The following WDR74 variants were observed in gnomAD, a reference collection of about 807,000 sequenced individuals.
WDR74 encodes WD repeat-containing protein 74.
A neutral mutation model predicts 45.6 loss-of-function variants in WDR74; 31 were observed. The ratio of observed to expected loss-of-function variants is 0.68; its 90% CI spans 0.51 to 0.92. WDR74 has a LOEUF of 0.92. WDR74 is among the 40% of genes least tolerant of loss of function. The pLI, the probability that WDR74 is intolerant of heterozygous loss-of-function variation, is 0.00. For missense variants in WDR74, 455 were observed against 497.2 expected (o/e 0.92, Z 0.81); for synonymous variants, 191 against 192.4 (o/e 0.99, Z 0.06).
chr11:62,835,449 G>A lies in WDR74; in HGVS notation c.600C>T (p.Thr200=). ...QFLPGSQKLV[T]CTGYHQVRVY... is the part of the protein sequence containing the mutation. ...ACCTTACCTGGTGGTACCCTGTGCA[G>A]GTGACAAGCTTCTGTGATCCTGGGA... Residue 200 remains threonine (T), a synonymous_variant, in exon 6 of 11, where the codon ACC becomes ACT. Transcript: ENST00000278856. 2 of 1,613,978 alleles carry A rather than the reference G, an allele frequency of 1.2e-6. No homozygotes were observed. The highest frequency in any genetic ancestry group is 1.7e-6 in the Non-Finnish European group (2 of 1,179,880).
chr11:62,841,569 CCTAACTGATCGAAAT>C (rs1420589870), upstream of WDR74: 1 of 152,146 alleles, frequency 6.6e-6, no homozygotes, highest in Non-Finnish European at 1.5e-5. Context: ...TAGCTTGTAC[CCTAACTGATCGAAAT>C]CTTCCATTAA....
chr11:62,841,620 G>GA (rs1391706766), upstream of WDR74: 1 of 152,210 alleles, frequency 6.6e-6, no homozygotes, highest in Non-Finnish European at 1.5e-5. Flanking sequence ...TCCCCGAAGG[G>GA]AGAGTGCACC....
At chr11:62,834,135 G>A in intron 8 of WDR74, 141 bp downstream of exon 8, 1 of 1,468,424 alleles carries the variant, frequency 6.8e-7, no homozygotes, top group South Asian at 1.2e-5. Flanking sequence ...AGGTCATACA[G>A]CTTTTAGGGA....
At chr11:62,841,544 A>C (rs141585008), upstream of WDR74, 3 of 151,336 alleles carry the variant, frequency 2.0e-5, no homozygotes, top group East Asian at 1.9e-4. Context: ...CTCAAACAAC[A>C]AGAACATAAC....
chr11:62,840,492 A>C (rs1029413846), upstream of WDR74: 4 of 151,736 alleles, frequency 2.6e-5, no homozygotes, highest in Admixed American at 6.6e-5. Context: ...AAAAAAAAAC[A>C]AAAACAACTA....
At chr11:62,833,547 C>G in intron 10 of WDR74, 71 bp downstream of exon 10, 2 of 1,526,758 alleles carry the variant, frequency 1.3e-6, no homozygotes, top group Non-Finnish European at 1.8e-6. Context: ...CAGCTGCCTC[C>G]TTTTCCTCTC....
At chr11:62,841,440 C>A (rs747084345), upstream of WDR74, 1 of 152,346 alleles carries the variant, frequency 6.6e-6, no homozygotes, top group Admixed American at 6.5e-5. Flanking sequence ...GGAGATACTA[C>A]GCTCCGTGCT....
chr11:62,841,124 CTGGCCAACATG>C (rs1488642570), upstream of WDR74, among the ~76,000 whole-genome samples: 1 of 152,222 alleles, frequency 6.6e-6, no homozygotes, highest in African/African-American at 2.4e-5. Context: ...GGAGACCACC[CTGGCCAACATG>C]GTGAAACCCC....
upstream of WDR74, chr11:62,839,666 G>GT: frequency 7.0e-7 from 1 of 1,437,812 alleles, no homozygotes; most frequent in Non-Finnish European, 9.3e-7. Context: ...GTTGCTGGAA[G>GT]TTTGAAGAGC....
intron 3 of WDR74, among the ~76,000 whole-genome samples, chr11:62,837,353 T>G (rs1309254988): frequency 6.6e-6 from 1 of 151,822 alleles, no homozygotes; most frequent in Non-Finnish European, 1.5e-5. Context: ...AAAACTTAGC[T>G]GGGCGTGGTG....
chr11:62,833,705 G>A (rs765461375), intron 9 of WDR74, 31 bp from the exon 10 acceptor site: 1 of 1,574,458 alleles, frequency 6.4e-7, no homozygotes, highest in Non-Finnish European at 8.6e-7. Flanking sequence ...TAAGGAGCCA[G>A]GCATGCTGAG....
In WDR74 at chr11:62,834,200, A is replaced by G; in HGVS notation, c.775+76T>C. On this transcript the variant is annotated intron_variant, in intron 8 of 10. Coordinates refer to ENST00000278856, the MANE Select transcript of WDR74 (RefSeq NM_001369450.1). The stretch of plus-strand genomic sequence containing the variant: ...ACCTGAATGAGGCCTCACTGGCCCC[A>G]CTGCACCACCTTAGAGGGAATCCTG... The G allele has an allele frequency of 2.5e-6, 4 of 1,603,318 alleles. No individual in the cohort carries two copies. The South Asian group carries it at 4.4e-5, about 18-fold the overall frequency.
chr11:62,835,607 C>G (rs1374226038), intron 5 of WDR74, 75 bp from the exon 6 acceptor site: 5 of 1,613,318 alleles, frequency 3.1e-6, no homozygotes, highest in African/African-American at 1.3e-5. Context: ...TCCTTCGCCC[C>G]CTAAGTCCAT....
intron 3 of WDR74, among the ~76,000 whole-genome samples, chr11:62,836,957 T>C (rs745892259): frequency 1.3e-5 from 2 of 152,144 alleles, no homozygotes; most frequent in South Asian, 2.1e-4. Context: ...ATGCCTGTAG[T>C]CCTAGCTACT....
At chr11:62,838,347 G>T (rs934702399) in intron 3 of WDR74, among the ~76,000 whole-genome samples, 6 of 151,344 alleles carry the variant, frequency 4.0e-5, no homozygotes, top group African/African-American at 1.2e-4. Flanking sequence ...TAGAGAAGGG[G>T]TTTTACCGTG....
At chr11:62,835,355 G>A in intron 6 of WDR74, 76 bp downstream of exon 6, 4 of 1,338,134 alleles carry the variant, frequency 3.0e-6, no homozygotes, top group Non-Finnish European at 4.2e-6. Flanking sequence ...AAGAGCAGTT[G>A]TGTCAAACCG....
At chr11:62,841,244 G>C (rs1002580903), upstream of WDR74, among the ~76,000 whole-genome samples, 1 of 152,178 alleles carries the variant, frequency 6.6e-6, no homozygotes, top group Non-Finnish European at 1.5e-5. Flanking sequence ...ATGAACCCGG[G>C]AGGCGGATGT....
chr11:62,833,884 A>T lies in WDR74; in HGVS notation c.829T>A (p.Cys277Ser), dbSNP rs1307008090. 1.2e-6 allele frequency: 2 copies of T among 1,613,854 alleles called. No homozygotes were observed. Among genetic ancestry groups the T allele is most frequent in the African/African-American group, 1.3e-5 (1 of 74,890 alleles). The change falls in exon 9 of 11, where the codon TGC becomes AGC. Residue 277 changes from cysteine (C) to serine (S), a missense_variant. Cys to Ser is a moderately radical substitution (Grantham distance 112). Coordinates refer to ENST00000278856, the MANE Select transcript of WDR74 (RefSeq NM_001369450.1). The stretch of plus-strand genomic sequence containing the variant: ...GCTAGTAGAGGCTTTGAAGGGTGGC[A>T]CTGCAACCCACGCACACTGCCTGCC... ...GLAGSVRGLQ[C>S]HPSKPLLASC...
chr11:62,837,085 CA>C (rs1293959605), intron 3 of WDR74, among the ~76,000 whole-genome samples: 1 of 151,750 alleles, frequency 6.6e-6, no homozygotes, highest in African/African-American at 2.4e-5. Context: ...CTCAGAAAAA[CA>C]AAAACAATAA....
Sources: allele counts gnomAD v4.1 joint callset (sites outside exome capture counted in the v4.1 genomes callset), GRCh38; gene constraint gnomAD v4.1.1; transcripts MANE v1.5; gene names NCBI Gene and HGNC (gene_info 2026-07-23, HGNC 2026-07-21).